Variants in MARK4 observed in about 807,000 individuals in gnomAD.
MARK4 encodes MAP/microtubule affinity-regulating kinase 4.
A neutral mutation model predicts 81.5 loss-of-function variants in MARK4; 19 were observed. The ratio of observed to expected loss-of-function variants is 0.23; its 90% CI spans 0.16 to 0.34. The LOEUF is 0.34. MARK4 is among the 10% of genes least tolerant of loss of function. The pLI is 1.00. For synonymous variants in MARK4, 436 were observed against 439.0 expected, an observed-to-expected ratio of 0.99 and a Z score of 0.08; for missense variants, 772 against 1,058.8, an observed-to-expected ratio of 0.73 and a Z score of 3.76.
chr19:45,258,222 T>C (rs1392256570), intron 1 of MARK4, among the ~76,000 whole-genome samples: 1 of 151,890 alleles, frequency 6.6e-6, no homozygotes, highest in East Asian at 1.9e-4. Context: ...CCTGACCTCA[T>C]GATCCACCCA....
chr19:45,288,463 G>A (rs983559825), intron 13 of MARK4: 1 of 150,582 alleles, frequency 6.6e-6, no homozygotes, highest in African/African-American at 2.5e-5. Context: ...TGAGGCAGGA[G>A]AATCGCTTGA....
rs377540729 is a variant in MARK4, at chr19:45,296,273, C to T, written c.1599-1403C>T. On this transcript the variant is annotated intron_variant, in intron 14 of 16. Coordinates refer to ENST00000262891, the MANE Select transcript of MARK4 (RefSeq NM_001199867.2). The stretch of plus-strand genomic sequence containing the variant: ...CAACAAAAAATAAAAAGTATAGACT[C>T]AGCTAGCTGCTGTAATAAAAACAAA... 2.8e-4 allele frequency among the ~76,000 whole-genome samples: 42 copies of T among 152,208 alleles called. 1 individual carries two copies. The East Asian group carries it at 6.8e-3, about 25-fold the overall frequency.
intron 10 of MARK4, 129 bp from the exon 11 acceptor site, chr19:45,280,245 T>A (rs113011346): frequency 1.3e-5 from 10 of 770,996 alleles, no homozygotes; most frequent in African/African-American, 6.9e-5. Flanking sequence ...GAGGCTGCAG[T>A]GAGCTGTGAC....
chr19:45,285,477 CAG>C (rs1970730831), intron 12 of MARK4, among the ~76,000 whole-genome samples: 1 of 152,078 alleles, frequency 6.6e-6, no homozygotes, highest in African/African-American at 2.4e-5. Flanking sequence ...AGAGAGGTGT[CAG>C]GGAATCTGAG....
chr19:45,277,728 C>T (rs1970617032), intron 8 of MARK4, among the ~76,000 whole-genome samples, 195 bp from the exon 9 acceptor site: 1 of 151,480 alleles, frequency 6.6e-6, no homozygotes, highest in African/African-American at 2.4e-5. Flanking sequence ...GGACAGGGAA[C>T]TGAGGTCAGG....
intron 1 of MARK4, among the ~76,000 whole-genome samples, chr19:45,254,552 T>C (rs1047531354): frequency 3.3e-5 from 5 of 152,182 alleles, no homozygotes; most frequent in Admixed American, 2.6e-4. Context: ...AGCACTCTGC[T>C]CCATCTGCCC....
At chr19:45,292,605 G>A (rs1391368200) in intron 13 of MARK4, among the ~76,000 whole-genome samples, 1 of 152,070 alleles carries the variant, frequency 6.6e-6, no homozygotes, top group African/African-American at 2.4e-5. Flanking sequence ...GACCGGAATT[G>A]GTGGCTCATG....
intron 12 of MARK4, 49 bp downstream of exon 12, chr19:45,280,783 C>T: frequency 1.2e-6 from 2 of 1,601,738 alleles, no homozygotes; most frequent in Non-Finnish European, 1.7e-6. Flanking sequence ...CCCCAAGGCC[C>T]AGACTTACAG....
Position 45,287,531 on chromosome 19 carries a change from G to T in MARK4, c.1361G>T (p.Gly454Val), listed in dbSNP as rs761721413. Residue 454 changes from glycine (G) to valine (V), a missense_variant, in exon 13 of 17, where the codon GGC becomes GTC. This residue lies in a region of MARK4 where 548 missense variants were observed against 624.3 expected (regional missense o/e 0.88). Transcript: ENST00000262891. ...GAGCTGAAGGAGGAGCGGCTGCCAG[G>T]CCGGAAGGCGAGCTGCAGCACCGCG... Reference protein sequence around the residue: ...EAELKEERLPGRKASCSTAGS... With the variant: ...EAELKEERLPVRKASCSTAGS... 1 of 1,571,104 alleles carries T rather than the reference G, an allele frequency of 6.4e-7. No homozygotes were observed. The highest frequency in any genetic ancestry group is 1.8e-5 in the Admixed American group (1 of 54,710).
At position 45,297,695 on chromosome 19, in the gene MARK4, C is replaced by T; in HGVS notation, c.1618C>T (p.Pro540Ser). The change falls in exon 15 of 17, where the codon CCC becomes TCC. Residue 540 changes from proline to serine, a missense_variant. Coordinates refer to ENST00000262891, the MANE Select transcript of MARK4 (RefSeq NM_001199867.2). Reference protein sequence around the residue: ...KENSSGTPRVPPASPSSHSLA... With the variant: ...KENSSGTPRVSPASPSSHSLA... ...CCACAGCTCAGGCACCCCACGGGTG[C>T]CCCCTGCCTCCCCCTCCAGTCACAG... is the stretch of plus-strand genomic sequence containing the variant. The T allele has an allele frequency of 1.3e-6, 2 of 1,527,796 alleles. No individual in the cohort carries two copies. The highest frequency in any genetic ancestry group is 1.7e-6 in the Non-Finnish European group (2 of 1,144,638). The allele number at this position is 1,527,796 out of a possible 1,614,324, so 94.6% of individuals were successfully genotyped here. A position where few individuals can be genotyped will look rare whatever the true frequency, so the allele number is the denominator to read the frequency against.
chr19:45,254,518 TCAG>T (rs1373061526), intron 1 of MARK4, among the ~76,000 whole-genome samples: 2 of 152,184 alleles, frequency 1.3e-5, no homozygotes, highest in African/African-American at 4.8e-5. Context: ...TCAGGAGGAA[TCAG>T]CAGGCCGGGG....
chr19:45,271,842 AG>A lies in MARK4; in HGVS notation c.786+136del, dbSNP rs1002329964. 6 of 853,572 alleles carry A rather than the reference AG, an allele frequency of 7.0e-6. No homozygotes were observed. Among genetic ancestry groups the A allele is most frequent in the Non-Finnish European group, 1.1e-5 (6 of 547,714 alleles). 52.9% of individuals were successfully genotyped at this position (853,572 alleles called of 1,614,324 possible). On this transcript the variant is annotated intron_variant, in intron 8 of 16. Transcript: ENST00000262891. The surrounding 1 kb of genome is among the most constrained non-coding windows in gnomAD (Gnocchi z 4.1). ...TCTCATGGGAAGATGGGGGATGGGC[AG>A]GATTCAAGTCCCCTCTGCAGTGAGG...
At chr19:45,265,376 G>T (rs530217592) in intron 6 of MARK4, among the ~76,000 whole-genome samples, 12 of 151,990 alleles carry the variant, frequency 7.9e-5, no homozygotes, top group African/African-American at 2.7e-4. Flanking sequence ...GGGCTGAGGG[G>T]TGGTTGTGTA....
intron 12 of MARK4, among the ~76,000 whole-genome samples, chr19:45,283,723 C>T (rs1024407074): frequency 2.6e-5 from 4 of 152,170 alleles, no homozygotes; most frequent in Non-Finnish European, 2.9e-5. Context: ...GTGAATGATG[C>T]TGCTGTGAAC....
chr19:45,274,473 A>C (rs947173691), intron 8 of MARK4, among the ~76,000 whole-genome samples: 77 of 151,094 alleles, frequency 5.1e-4, no homozygotes, highest in African/African-American at 1.4e-3. Context: ...TCTACCAAAA[A>C]CACAAAAATT....
intron 13 of MARK4, among the ~76,000 whole-genome samples, chr19:45,293,863 C>CG (rs1568502781): frequency 6.6e-6 from 1 of 151,962 alleles, no homozygotes; most frequent in East Asian, 1.9e-4. Flanking sequence ...AGCCTGGGGC[C>CG]GGGGGTGGTG....
chr19:45,278,175 G>A, intron 9 of MARK4, 133 bp downstream of exon 9: 1 of 1,337,680 alleles, frequency 7.5e-7, no homozygotes, highest in Non-Finnish European at 1.0e-6. Flanking sequence ...TGCTGCTGGT[G>A]AGTGGGGGTA....
intron 2 of MARK4, among the ~76,000 whole-genome samples, chr19:45,259,966 A>G (rs1970360074): frequency 6.6e-6 from 1 of 151,478 alleles, no homozygotes. Context: ...ACATGCCTAT[A>G]ATCTCAGCTG....
At chr19:45,268,359 A>T (rs1437178899) in intron 7 of MARK4, among the ~76,000 whole-genome samples, 1 of 152,022 alleles carries the variant, frequency 6.6e-6, no homozygotes, top group Non-Finnish European at 1.5e-5. Context: ...CTAGGCAGGC[A>T]GATCACTGGA....
Sources: gnomAD v4.1 joint callset for allele counts (sites outside exome capture counted in the v4.1 genomes callset) on GRCh38, gnomAD v4.1.1 for gene constraint, gnomAD v4.1.1 regional missense constraint, Gnocchi (gnomAD v3.1) non-coding constraint, MANE v1.5 for transcripts, NCBI Gene and HGNC (gene_info 2026-07-23, HGNC 2026-07-21) for gene names.